The following SLC35A5 variants were observed in gnomAD, a reference collection of about 807,000 sequenced individuals.
SLC35A5 encodes the protein UDP-sugar transporter protein SLC35A5.
In SLC35A5, 28 loss-of-function variants were observed where a neutral mutation model predicts 36.3. That is an observed-to-expected ratio of 0.77 (90% CI 0.57 to 1.06). SLC35A5 has a LOEUF of 1.06. SLC35A5 is among the 50% of genes least tolerant of loss of function. The probability of loss-of-function intolerance (pLI) is 0.00; values close to 1 mark genes in which losing one functional copy is unlikely to be tolerated. For missense variants in SLC35A5, 521 were observed against 499.3 expected (o/e 1.04, Z -0.41); for synonymous variants, 180 against 173.7 (o/e 1.04, Z -0.29).
Position 112,582,755 on chromosome 3 carries a change from G to C in SLC35A5, c.*19G>C. 1 of 1,596,588 alleles carries C rather than the reference G, an allele frequency of 6.3e-7. No homozygotes were observed. The highest frequency in any genetic ancestry group is 8.6e-7 in the Non-Finnish European group (1 of 1,165,220). On this transcript the variant is annotated 3_prime_UTR_variant, in exon 7 of 7. Transcript: ENST00000492406. ...TTTCTAACTGGTACCCACATAGTTT[G>C]CAGCTCTCTTGAACCTTATTTTCAC...
intron 6 of SLC35A5, among the ~76,000 whole-genome samples, chr3:112,581,853 G>GGTTT (rs1412774771): frequency 6.6e-6 from 1 of 152,168 alleles, no homozygotes; most frequent in Non-Finnish European, 1.5e-5. Flanking sequence ...AGAAGGGCAG[G>GGTTT]GTTTGTTTAT....
chr3:112,573,619 TA>T (rs1934544347), intron 4 of SLC35A5, among the ~76,000 whole-genome samples: 1 of 152,276 alleles, frequency 6.6e-6, no homozygotes, highest in Non-Finnish European at 1.5e-5. Context: ...CTGTCATTTC[TA>T]AACCTAAACC....
At chr3:112,573,800 C>T in intron 4 of SLC35A5, 89 bp from the exon 5 acceptor site, 1 of 1,077,624 alleles carries the variant, frequency 9.3e-7, no homozygotes, top group South Asian at 1.4e-5. Flanking sequence ...GACCAAAAAG[C>T]TTTTTTTGTC....
At chr3:112,576,698 G>T (rs992052233) in intron 5 of SLC35A5, among the ~76,000 whole-genome samples, 1 of 152,070 alleles carries the variant, frequency 6.6e-6, no homozygotes, top group Non-Finnish European at 1.5e-5. Context: ...TGTCTTCACG[G>T]TTCATCCATG....
chr3:112,562,403 G>C (rs1933958793), intron 1 of SLC35A5, 130 bp downstream of exon 1: 2 of 152,408 alleles, frequency 1.3e-5, no homozygotes, highest in African/African-American at 4.8e-5. Flanking sequence ...GCCCCCTCCT[G>C]TCGGGGAGGC....
At chr3:112,561,806 C>T (rs1470822145), upstream of SLC35A5, 1 of 451,982 alleles carries the variant, frequency 2.2e-6, no homozygotes, top group Non-Finnish European at 3.9e-6. Context: ...GGCAGCGGGG[C>T]CGAAGGGAGA....
At chr3:112,577,635 T>C (rs1934730161) in intron 5 of SLC35A5, among the ~76,000 whole-genome samples, 1 of 152,238 alleles carries the variant, frequency 6.6e-6, no homozygotes. Flanking sequence ...AAAAAATGTA[T>C]ATAAGTTTCT....
chr3:112,564,183 A>G (rs973923458), intron 2 of SLC35A5: 3 of 152,114 alleles, frequency 2.0e-5, no homozygotes, highest in African/African-American at 7.2e-5. Flanking sequence ...GAAAGAAAAA[A>G]GGGGGCCCAG....
At chr3:112,564,528 A>G (rs56399450) in intron 2 of SLC35A5, among the ~76,000 whole-genome samples, 2,449 of 152,236 alleles carry the variant, frequency 0.016, 56 homozygotes, top group African/African-American at 0.052. Flanking sequence ...GAGACATTCC[A>G]TTGCCCAGGG....
chr3:112,561,795 G>C (rs951122060), upstream of SLC35A5: 2 of 469,890 alleles, frequency 4.3e-6, no homozygotes, highest in Admixed American at 4.4e-5. Context: ...CCGCGAGGGA[G>C]GGCAGCGGGG....
In SLC35A5 at chr3:112,584,309, T is replaced by C. The variant is rs949276358; in HGVS notation, c.*1573T>C. 2.6e-5 allele frequency: 4 copies of C among 152,172 alleles called. No individual in the cohort carries two copies. The highest frequency in any genetic ancestry group is 6.5e-5 in the Admixed American group (1 of 15,276). 9.4% of individuals were successfully genotyped at this position (152,172 alleles called of 1,614,324 possible). ...ATAACAAAGGCATTTTCATCAGTTA[T>C]GTGAAATACGAAGATTATATCTATT... On this transcript the variant is annotated 3_prime_UTR_variant, in exon 7 of 7. Coordinates refer to ENST00000492406, the MANE Select transcript of SLC35A5 (RefSeq NM_017945.5).
At chr3:112,565,881 G>T (rs537287969) in intron 2 of SLC35A5, among the ~76,000 whole-genome samples, 20 of 152,310 alleles carry the variant, frequency 1.3e-4, no homozygotes, top group Admixed American at 2.0e-4. Flanking sequence ...TCCATGGTAA[G>T]GAGCTGGGAC....
intron 5 of SLC35A5, among the ~76,000 whole-genome samples, chr3:112,579,489 C>T (rs920572108): frequency 1.3e-5 from 2 of 151,952 alleles, no homozygotes; most frequent in Non-Finnish European, 1.5e-5. Flanking sequence ...CTCCTGACAA[C>T]GCCAATGAAA....
chr3:112,561,995 C>T, upstream of SLC35A5: 1 of 176,762 alleles, frequency 5.7e-6, no homozygotes, highest in East Asian at 1.9e-4. Context: ...GAGAAAGGGG[C>T]CGGGCTGGGG....
In SLC35A5 at chr3:112,570,421, A is replaced by G. The variant is rs1576749508; in HGVS notation, c.230-119A>G. On this transcript the variant is annotated intron_variant, in intron 3 of 6. Transcript: ENST00000492406. The stretch of plus-strand genomic sequence containing the variant: ...TGGGTTGAAGAGAGACAGTAATGAA[A>G]TGGAGGCACGTTTATAAAGCTCCCT... The G allele has an allele frequency of 9.6e-6, 11 of 1,146,062 alleles. No homozygotes were observed. In the East Asian group the frequency reaches 2.9e-4, roughly 30 times the overall value. The allele number at this position is 1,146,062 out of a possible 1,614,324, so 71.0% of individuals were successfully genotyped here.
rs766760044 is a variant in SLC35A5 at position 112,582,815 on chromosome 3, T to G, written c.*79T>G. 8.8e-5 allele frequency: 105 copies of G among 1,195,744 alleles called. No individual in the cohort carries two copies. The highest frequency in any genetic ancestry group is 3.9e-4 in the Middle Eastern group (2 of 5,182). The allele number at this position is 1,195,744 out of a possible 1,614,324, so 74.1% of individuals were successfully genotyped here. A position where few individuals can be genotyped will look rare whatever the true frequency, so the allele number is the denominator to read the frequency against. Reference sequence around the variant, plus strand: ...GTTTGTAATATTTATCTTTTCACTTTGATAAACCAGAAATGTTTCTAAATC... The same window carrying G: ...GTTTGTAATATTTATCTTTTCACTTGGATAAACCAGAAATGTTTCTAAATC... On this transcript the variant is annotated 3_prime_UTR_variant, in exon 7 of 7. Coordinates refer to ENST00000492406, the MANE Select transcript of SLC35A5 (RefSeq NM_017945.5).
At chr3:112,562,774 A>C (rs1335060835) in intron 1 of SLC35A5, among the ~76,000 whole-genome samples, 1 of 152,238 alleles carries the variant, frequency 6.6e-6, no homozygotes, top group Non-Finnish European at 1.5e-5. Flanking sequence ...TAATAAGAGT[A>C]AAAGCGAGGC....
Position 112,569,223 on chromosome 3 carries a change from G to A in SLC35A5, c.183G>A (p.Val61=). ...PTTVNVCSEL[V]KLVFCVLVSF... ...CTGTGAATGTGTGCTCAGAACTGGT[G>A]AAGCTAGTTTTCTGTGTGCTTGTGT... Residue 61 remains valine (V), a synonymous_variant, in exon 3 of 7, where the codon GTG becomes GTA. Coordinates refer to ENST00000492406, the MANE Select transcript of SLC35A5 (RefSeq NM_017945.5). The A allele has an allele frequency of 3.1e-6, 5 of 1,614,022 alleles. No individual in the cohort carries two copies. The highest frequency in any genetic ancestry group is 4.2e-6 in the Non-Finnish European group (5 of 1,179,948).
chr3:112,581,030 T>G lies in SLC35A5; in HGVS notation c.913T>G (p.Phe305Val). ...TGGATTTTTTTATGGCCACAGTGCA[T>G]TTTCAGTAGCCCTTATTTTTGTAAC... ...NCGFFYGHSA[F>V]SVALIFVTAF... The change falls in exon 6 of 7, where the codon TTT (phenylalanine) becomes GTT (valine). Residue 305 changes from phenylalanine (F) to valine (V), a missense_variant. Transcript: ENST00000492406. 6.2e-7 allele frequency: 1 copy of G among 1,614,130 alleles called. No homozygotes were observed. Among genetic ancestry groups the G allele is most frequent in the South Asian group, 1.1e-5 (1 of 91,080 alleles).
Sources: allele counts gnomAD v4.1 joint callset (sites outside exome capture counted in the v4.1 genomes callset), GRCh38; gene constraint gnomAD v4.1.1; transcripts MANE v1.5; gene names NCBI Gene and HGNC (gene_info 2026-07-23, HGNC 2026-07-21).